DNAI4: variants seen among roughly 807,000 people sequenced by gnomAD.
The protein encoded by DNAI4 is WD repeat domain 78.
Under a neutral mutation model 105.8 loss-of-function variants are expected in DNAI4, and 85 were observed. The observed-to-expected ratio is 0.80, with a 90% CI of 0.67 to 0.96. DNAI4 has a LOEUF of 0.96. Among genes scored for constraint, DNAI4 ranks in the 40% least tolerant of loss-of-function variants. The probability of loss-of-function intolerance (pLI) is 0.00; values close to 1 mark genes in which losing one functional copy is unlikely to be tolerated. For missense variants in DNAI4, 1,014 were observed against 1,005.6 expected, an observed-to-expected ratio of 1.01 and a Z score of -0.11; for synonymous variants, 352 against 331.5, an observed-to-expected ratio of 1.06 and a Z score of -0.67.
intron 7 of DNAI4, chr1:66,860,583 T>C (rs1646604981): frequency 6.6e-6 from 1 of 152,150 alleles, no homozygotes; most frequent in Non-Finnish European, 1.5e-5. Flanking sequence ...AGTATATCTT[T>C]ATTTTCTATT....
intron 5 of DNAI4, among the ~76,000 whole-genome samples, chr1:66,874,477 T>C (rs2100676173): frequency 6.6e-6 from 1 of 152,238 alleles, no homozygotes; most frequent in Middle Eastern, 3.4e-3. Flanking sequence ...AATTAAAACC[T>C]ATATAGAGAC....
chr1:66,904,929 A>C, intron 2 of DNAI4: 1 of 377,644 alleles, frequency 2.6e-6, no homozygotes. Context: ...GATAGTTGTA[A>C]TGTATATAAT....
chr1:66,891,508 C>T (rs1647644506), intron 3 of DNAI4, among the ~76,000 whole-genome samples: 1 of 152,216 alleles, frequency 6.6e-6, no homozygotes, highest in Admixed American at 6.5e-5. Context: ...GTCACCCAGG[C>T]TGTAGTGCAG....
chr1:66,883,918 A>G (rs2100725542), intron 4 of DNAI4, among the ~76,000 whole-genome samples: 1 of 152,280 alleles, frequency 6.6e-6, no homozygotes, highest in South Asian at 2.1e-4. Context: ...ACATTATGCA[A>G]TAGACTTTTT....
intron 7 of DNAI4, among the ~76,000 whole-genome samples, chr1:66,861,851 T>C (rs1370688515): frequency 6.6e-6 from 1 of 152,004 alleles, no homozygotes; most frequent in Admixed American, 6.5e-5. Context: ...GTAATCTAAT[T>C]GAACAAAAGG....
In DNAI4 at chr1:66,827,671, A is replaced by G. The variant is rs375604605; in HGVS notation, c.2112+141T>C. The stretch of plus-strand genomic sequence containing the variant: ...GCCCCGTACATTATTGGTGGTTTCC[A>G]TAGAAGAAAACACTTAATTCAAGAT... On this transcript the variant is annotated intron_variant, in intron 14 of 16. Coordinates refer to ENST00000371026, the MANE Select transcript of DNAI4 (RefSeq NM_024763.5). 11 of 415,060 alleles carry G rather than the reference A, an allele frequency of 2.7e-5. No homozygotes were observed. The South Asian group carries it at 8.0e-4, about 30-fold the overall frequency. 25.7% of individuals were successfully genotyped at this position (415,060 alleles called of 1,614,324 possible).
At chr1:66,904,816 G>A (rs2100829805) in intron 2 of DNAI4, 1 of 188,320 alleles carries the variant, frequency 5.3e-6, no homozygotes, top group South Asian at 1.9e-4. Flanking sequence ...AAGTTTAAAA[G>A]AGTCAATTCT....
intron 4 of DNAI4, among the ~76,000 whole-genome samples, chr1:66,888,857 A>G (rs901550898): frequency 6.6e-6 from 1 of 152,258 alleles, no homozygotes; most frequent in Non-Finnish European, 1.5e-5. Flanking sequence ...ATTGTTACAT[A>G]AAGATTTAGT....
At chr1:66,861,292 G>C (rs1646620120) in intron 7 of DNAI4, among the ~76,000 whole-genome samples, 1 of 151,946 alleles carries the variant, frequency 6.6e-6, no homozygotes, top group Non-Finnish European at 1.5e-5. Flanking sequence ...TTAAAAATTT[G>C]CCAAAACTTA....
chr1:66,908,807 C>A (rs112133781), intron 1 of DNAI4, among the ~76,000 whole-genome samples: 1 of 152,164 alleles, frequency 6.6e-6, no homozygotes, highest in Admixed American at 6.5e-5. Flanking sequence ...TTTTACTACA[C>A]TCTTTAAGGC....
chr1:66,818,566 C>T (rs2100302379), intron 16 of DNAI4, among the ~76,000 whole-genome samples: 1 of 152,190 alleles, frequency 6.6e-6, no homozygotes, highest in South Asian at 2.1e-4. Context: ...TTTTTAAAAT[C>T]AAAGTAGACT....
chr1:66,830,212 G>A (rs1645837389), intron 13 of DNAI4, among the ~76,000 whole-genome samples: 1 of 151,560 alleles, frequency 6.6e-6, no homozygotes, highest in African/African-American at 2.4e-5. Context: ...GATCAAAGTG[G>A]AAATTGATGA....
intron 16 of DNAI4, among the ~76,000 whole-genome samples, chr1:66,818,246 A>C (rs1423982348): frequency 6.6e-6 from 1 of 152,006 alleles, no homozygotes; most frequent in East Asian, 1.9e-4. Context: ...TGTAAACAGC[A>C]TTGGAATATT....
chr1:66,888,928 A>G (rs1441164034), intron 4 of DNAI4, among the ~76,000 whole-genome samples: 1 of 152,192 alleles, frequency 6.6e-6, no homozygotes, highest in African/African-American at 2.4e-5. Context: ...AAGAGGATGC[A>G]ATTAGTTGTG....
intron 2 of DNAI4, among the ~76,000 whole-genome samples, chr1:66,898,854 A>C (rs1648561828): frequency 1.3e-5 from 2 of 152,184 alleles, no homozygotes; most frequent in South Asian, 4.1e-4. Flanking sequence ...CAGGAGTTTG[A>C]TAGTGAATGG....
At chr1:66,918,368 T>C (rs2100895282) in intron 1 of DNAI4, among the ~76,000 whole-genome samples, 1 of 152,352 alleles carries the variant, frequency 6.6e-6, no homozygotes, top group East Asian at 1.9e-4. Context: ...CTAATTTTTC[T>C]TGGCCACAAG....
chr1:66,828,919 G>A (rs552413834), intron 13 of DNAI4, among the ~76,000 whole-genome samples: 1 of 152,270 alleles, frequency 6.6e-6, no homozygotes, highest in South Asian at 2.1e-4. Flanking sequence ...CCATTTATAA[G>A]TGGTCATTTT....
At chr1:66,864,314 G>A (rs1230998228) in intron 6 of DNAI4, among the ~76,000 whole-genome samples, 2 of 152,078 alleles carry the variant, frequency 1.3e-5, no homozygotes, top group African/African-American at 4.8e-5. Context: ...ATGAATAATT[G>A]TGACTTCCCA....
chr1:66,815,157 A>G (rs551892308), intron 16 of DNAI4, among the ~76,000 whole-genome samples: 88 of 152,340 alleles, frequency 5.8e-4, no homozygotes, highest in Admixed American at 1.0e-3. Context: ...ACACCAAATC[A>G]GTTGCCAGGT....
Sources: gnomAD v4.1 joint callset for allele counts (sites outside exome capture counted in the v4.1 genomes callset) on GRCh38, gnomAD v4.1.1 for gene constraint, MANE v1.5 for transcripts, NCBI Gene and HGNC (gene_info 2026-07-23, HGNC 2026-07-21) for gene names.